The following ATAD1 variants were observed in gnomAD, a reference collection of about 807,000 sequenced individuals.
ATAD1 encodes outer mitochondrial transmembrane helix translocase.
A neutral mutation model predicts 42.7 loss-of-function variants in ATAD1; 18 were observed. That is an observed-to-expected ratio of 0.42 (90% CI 0.29 to 0.63). ATAD1 has a LOEUF of 0.63. Among genes scored for constraint, ATAD1 ranks in the 20% least tolerant of loss-of-function variants. ATAD1 has a pLI of 0.19. For synonymous variants in ATAD1, 132 were observed against 143.1 expected, an observed-to-expected ratio of 0.92 and a Z score of 0.55; for missense variants, 294 against 440.4, an observed-to-expected ratio of 0.67 and a Z score of 2.98.
At chr10:87,775,799 G>C (rs1318343943) in intron 6 of ATAD1, among the ~76,000 whole-genome samples, 2 of 152,168 alleles carry the variant, frequency 1.3e-5, no homozygotes, top group African/African-American at 2.4e-5. Context: ...ATACAAGTCT[G>C]TCTCGTATAA....
At chr10:87,815,935 A>T (rs1589562284) in intron 1 of ATAD1, among the ~76,000 whole-genome samples, 1 of 152,084 alleles carries the variant, frequency 6.6e-6, no homozygotes, top group East Asian at 1.9e-4. Context: ...TTTTCCCTTC[A>T]GCGTATCTGT....
At chr10:87,776,125 T>C (rs934493913) in intron 6 of ATAD1, among the ~76,000 whole-genome samples, 196 bp downstream of exon 6, 25 of 152,214 alleles carry the variant, frequency 1.6e-4, no homozygotes, top group African/African-American at 4.6e-4. Context: ...AATCTACTAA[T>C]GTTTTGGTAA....
At chr10:87,839,194 T>C (rs1022946518) in intron 1 of ATAD1, among the ~76,000 whole-genome samples, 2 of 152,238 alleles carry the variant, frequency 1.3e-5, no homozygotes, top group African/African-American at 4.8e-5. Flanking sequence ...TATTTTGGTA[T>C]GTCTTTTTTG....
At chr10:87,784,430 A>G (rs1855721347) in intron 5 of ATAD1, 40 bp downstream of exon 5, 6 of 1,575,220 alleles carry the variant, frequency 3.8e-6, no homozygotes, top group Non-Finnish European at 5.2e-6. Flanking sequence ...TATCTCTAAA[A>G]ATGGCCTTTA....
At chr10:87,768,067 C>G (rs555294180) in intron 7 of ATAD1, among the ~76,000 whole-genome samples, 20 of 152,250 alleles carry the variant, frequency 1.3e-4, no homozygotes, top group Admixed American at 5.2e-4. Flanking sequence ...GCAGGAAACT[C>G]ATGAAAACTC....
intron 1 of ATAD1, chr10:87,832,075 T>TTTTC (rs1857840607): frequency 2.5e-5 from 1 of 40,198 alleles, no homozygotes; most frequent in Non-Finnish European, 5.9e-5. Context: ...TTGTTATGGC[T>TTTTC]TTTTTTTTTT....
At chr10:87,784,799 G>T in intron 4 of ATAD1, 129 bp from the exon 5 acceptor site, 1 of 808,040 alleles carries the variant, frequency 1.2e-6, no homozygotes. Context: ...ATTTAATCTT[G>T]TTTATAGTAG....
At chr10:87,789,737 G>C (rs1000559298) in intron 4 of ATAD1, among the ~76,000 whole-genome samples, 1 of 151,236 alleles carries the variant, frequency 6.6e-6, no homozygotes, top group African/African-American at 2.4e-5. Flanking sequence ...GAAAAGAAAA[G>C]AGAGAAAAGA....
At chr10:87,781,752 C>T (rs1299783588) in intron 5 of ATAD1, among the ~76,000 whole-genome samples, 1 of 152,040 alleles carries the variant, frequency 6.6e-6, no homozygotes, top group East Asian at 1.9e-4. Flanking sequence ...AAGTGATCCT[C>T]TCACCTCAGC....
chr10:87,778,435 G>A (rs919602403), intron 5 of ATAD1, among the ~76,000 whole-genome samples: 1 of 152,072 alleles, frequency 6.6e-6, no homozygotes, highest in Admixed American at 6.5e-5. Context: ...TTCAGATTTT[G>A]GAATATTTGC....
intron 8 of ATAD1, among the ~76,000 whole-genome samples, chr10:87,761,384 G>A (rs564206543): frequency 2.6e-5 from 4 of 152,166 alleles, no homozygotes; most frequent in Non-Finnish European, 5.9e-5. Context: ...TGTATCTGCT[G>A]GGTGGGATGG....
At chr10:87,819,264 A>T (rs1320849253), upstream of ATAD1, 174 of 32,524 alleles carry the variant, frequency 5.3e-3, no homozygotes, top group Middle Eastern at 0.011. Flanking sequence ...TCGTCTCTAC[A>T]AAAAAAAAAA....
chr10:87,838,461 CAAAAA>C (rs770282016), intron 1 of ATAD1, among the ~76,000 whole-genome samples: 7 of 42,640 alleles, frequency 1.6e-4, no homozygotes, highest in African/African-American at 5.3e-4. Flanking sequence ...GACTCTATCT[CAAAAA>C]AAAAAAAAAA....
intron 1 of ATAD1, among the ~76,000 whole-genome samples, chr10:87,815,418 T>C (rs1368761109): frequency 1.3e-5 from 2 of 152,126 alleles, no homozygotes; most frequent in African/African-American, 4.8e-5. Flanking sequence ...TTAGGGATGA[T>C]ATGACTATCA....
rs555564709 is a variant in ATAD1, at chr10:87,763,680, C to T, written c.831+3993G>A. On this transcript the variant is annotated intron_variant, in intron 8 of 9. Coordinates refer to ENST00000680024, the MANE Select transcript of ATAD1 (RefSeq NM_001321967.2). ...ACAGTGAGACCCTAAAAAAACAACA[C>T]GTCAGCCTGGGTAAACAGAGTGAGA... Among the ~76,000 whole-genome samples, 28 of 151,910 alleles carry T rather than the reference C, an allele frequency of 1.8e-4. No homozygotes were observed. In the South Asian group the frequency reaches 4.6e-3, roughly 25 times the overall value.
intron 8 of ATAD1, among the ~76,000 whole-genome samples, chr10:87,766,032 T>C (rs1428497836): frequency 6.6e-6 from 1 of 151,358 alleles, no homozygotes; most frequent in Non-Finnish European, 1.5e-5. Flanking sequence ...AGAGAGATCA[T>C]GTCACAAAAA....
At chr10:87,806,596 A>T (rs1023989645) in intron 2 of ATAD1, among the ~76,000 whole-genome samples, 2 of 152,008 alleles carry the variant, frequency 1.3e-5, no homozygotes, top group Non-Finnish European at 1.5e-5. Flanking sequence ...CACTATATGT[A>T]CTCTTCTGTG....
At chr10:87,802,770 A>G (rs1856763035) in intron 2 of ATAD1, among the ~76,000 whole-genome samples, 1 of 152,198 alleles carries the variant, frequency 6.6e-6, no homozygotes, top group South Asian at 2.1e-4. Context: ...GAGAAACTGG[A>G]GACAGAGAAA....
At chr10:87,807,703 T>C (rs965065314) in intron 2 of ATAD1, among the ~76,000 whole-genome samples, 4 of 152,158 alleles carry the variant, frequency 2.6e-5, no homozygotes, top group African/African-American at 9.6e-5. Context: ...ATAAAAATAA[T>C]AGGAAACACT....
Sources: gnomAD v4.1 joint callset for allele counts (sites outside exome capture counted in the v4.1 genomes callset) on GRCh38, gnomAD v4.1.1 for gene constraint, MANE v1.5 for transcripts, NCBI Gene and HGNC (gene_info 2026-07-23, HGNC 2026-07-21) for gene names.